Variants in DOCK9 observed in about 807,000 individuals in gnomAD.
DOCK9 encodes the protein dedicator of cytokinesis 9.
DOCK9 carries 89 observed loss-of-function variants against 263.3 expected under a neutral mutation model. The observed-to-expected ratio is 0.34, with a 90% CI of 0.28 to 0.40. The LOEUF is 0.40. DOCK9 is among the 10% of genes least tolerant of loss of function. The pLI is 1.00. For synonymous variants in DOCK9, 976 were observed against 973.1 expected, an observed-to-expected ratio of 1.00 and a Z score of -0.06; for missense variants, 2,140 against 2,603.4, an observed-to-expected ratio of 0.82 and a Z score of 3.87.
chr13:98,895,994 C>T (rs897336925), intron 15 of DOCK9, among the ~76,000 whole-genome samples: 1 of 152,160 alleles, frequency 6.6e-6, no homozygotes, highest in East Asian at 1.9e-4. Context: ...CCCAGCAGGC[C>T]TCATCCTTCA....
At chr13:99,087,933 T>C (rs1566416167), upstream of DOCK9, 1 of 152,348 alleles carries the variant, frequency 6.6e-6, no homozygotes, top group Non-Finnish European at 1.5e-5. Context: ...AGAGGTTTCA[T>C]AGCCGCCATC....
chr13:98,855,639 G>C (rs145647338), intron 34 of DOCK9, among the ~76,000 whole-genome samples: 1 of 151,992 alleles, frequency 6.6e-6, no homozygotes, highest in Admixed American at 6.6e-5. Context: ...GTCCCTCCCC[G>C]TTCAACCCAC....
At chr13:98,915,648 C>T (rs925299934) in intron 7 of DOCK9, 145 bp from the exon 8 acceptor site, 2 of 671,290 alleles carry the variant, frequency 3.0e-6, no homozygotes, top group Non-Finnish European at 4.7e-6. Flanking sequence ...TCATGAAAGC[C>T]CCCCCCCATG....
chr13:98,917,811 A>G (rs928131993), intron 7 of DOCK9, among the ~76,000 whole-genome samples: 4 of 152,056 alleles, frequency 2.6e-5, no homozygotes, highest in African/African-American at 9.7e-5. Context: ...CAAATTCTGT[A>G]TTTCTTGCTT....
At chr13:98,967,017 T>A (rs2059275282) in intron 1 of DOCK9, among the ~76,000 whole-genome samples, 1 of 152,252 alleles carries the variant, frequency 6.6e-6, no homozygotes, top group Non-Finnish European at 1.5e-5. Flanking sequence ...TTCAGACGAT[T>A]CTGGTGCCCA....
chr13:98,957,596 A>C (rs1161919810), intron 1 of DOCK9, among the ~76,000 whole-genome samples: 1 of 152,048 alleles, frequency 6.6e-6, no homozygotes, highest in Non-Finnish European at 1.5e-5. Flanking sequence ...TTTTTAAATA[A>C]GAATTGCCCA....
chr13:98,871,384 C>T (rs1370708475), intron 27 of DOCK9, among the ~76,000 whole-genome samples: 2 of 152,174 alleles, frequency 1.3e-5, no homozygotes, highest in Admixed American at 6.5e-5. Flanking sequence ...AATTTACATA[C>T]CAACCCATCA....
At chr13:99,001,163 T>C (rs917249519) in intron 1 of DOCK9, among the ~76,000 whole-genome samples, 11 of 152,238 alleles carry the variant, frequency 7.2e-5, no homozygotes, top group Non-Finnish European at 1.6e-4. Context: ...CCGAACTCAC[T>C]TCGCAAGTAG....
At chr13:98,885,911 C>G in intron 19 of DOCK9, 80 bp from the exon 20 acceptor site, 2 of 1,365,052 alleles carry the variant, frequency 1.5e-6, no homozygotes, top group Non-Finnish European at 2.0e-6. Context: ...GTATGTGTTA[C>G]CCAACGCATA....
At chr13:98,856,924 A>G (rs962597686) in intron 33 of DOCK9, 1 of 152,164 alleles carries the variant, frequency 6.6e-6, no homozygotes, top group Non-Finnish European at 1.5e-5. Context: ...ATAAACAACT[A>G]TGAGCAGAAA....
At chr13:98,985,490 C>G (rs1325713623) in intron 1 of DOCK9, among the ~76,000 whole-genome samples, 2 of 152,172 alleles carry the variant, frequency 1.3e-5, no homozygotes, top group Non-Finnish European at 2.9e-5. Flanking sequence ...ACTACAGGTG[C>G]TGAGAAAATA....
chr13:99,030,848 C>A (rs1020876057), intron 1 of DOCK9, among the ~76,000 whole-genome samples: 1 of 152,188 alleles, frequency 6.6e-6, no homozygotes, highest in Non-Finnish European at 1.5e-5. Context: ...CAGAACCACT[C>A]CCCACACTAA....
In DOCK9 at chr13:99,014,744, G is replaced by A. The variant is rs1171737845; in HGVS notation, c.130-59193C>T. 6.6e-5 allele frequency among the ~76,000 whole-genome samples: 10 copies of A among 152,314 alleles called. No individual in the cohort carries two copies. The East Asian group carries it at 1.7e-3, about 26-fold the overall frequency. On this transcript the variant is annotated intron_variant, in intron 1 of 32. Transcript: ENST00000427887. ...AAAAATGGCAAGGCATCCTGAGAGAGGAGGAGACCCATATGTGGCTCCTCA... is the reference window on the plus strand; with the variant it reads ...AAAAATGGCAAGGCATCCTGAGAGAAGAGGAGACCCATATGTGGCTCCTCA...
intron 1 of DOCK9, among the ~76,000 whole-genome samples, chr13:99,023,269 G>A (rs1886329103): frequency 6.6e-6 from 1 of 151,834 alleles, no homozygotes; most frequent in African/African-American, 2.4e-5. Context: ...GCAAAATGTG[G>A]TATCTACACA....
chr13:98,850,084 A>G lies in DOCK9; in HGVS notation c.3976T>C (p.Ser1326Pro). The G allele has an allele frequency of 6.4e-7, 1 of 1,559,912 alleles. No individual in the cohort carries two copies. Among genetic ancestry groups the G allele is most frequent in the Non-Finnish European group, 8.6e-7 (1 of 1,156,342 alleles). Residue 1326 changes from serine to proline, a missense_variant, in exon 36 of 53, where the codon TCA (serine) becomes CCA (proline). This residue lies in a region of DOCK9 where 1,521 missense variants were observed against 1,741.7 expected (regional missense o/e 0.87). Coordinates refer to ENST00000682017, the MANE Select transcript of DOCK9 (RefSeq NM_001366683.2). Reference sequence around the variant, plus strand: ...AAAAAATCCATAAGTTCAGATGTTGAAGCCTTGTTCCAATATGTAAACAAA... The same window carrying G: ...AAAAAATCCATAAGTTCAGATGTTGGAGCCTTGTTCCAATATGTAAACAAA... ...DALFTYWNKA[S>P]TSELMDFFTI...
intron 3 of DOCK9, among the ~76,000 whole-genome samples, chr13:98,929,331 T>C (rs2053551359): frequency 6.6e-6 from 1 of 152,104 alleles, no homozygotes; most frequent in African/African-American, 2.4e-5. Context: ...TCACTTGAGG[T>C]CAGGAGTCTG....
intron 50 of DOCK9, 117 bp from the exon 51 acceptor site, chr13:98,797,606 G>C: frequency 2.4e-6 from 2 of 823,044 alleles, no homozygotes; most frequent in Admixed American, 5.1e-5. Flanking sequence ...CACAATCCCT[G>C]CCTTCCAGGA....
upstream of DOCK9, among the ~76,000 whole-genome samples, chr13:98,979,229 T>TAGTAGCAGCAGCAGCAGC (rs1555439294): frequency 8.4e-4 from 105 of 125,062 alleles, no homozygotes; most frequent in Middle Eastern, 4.2e-3. Flanking sequence ...GTAGTAGTAG[T>TAGTAGCAGCAGCAGCAGC]AGCAGCAGCG....
intron 2 of DOCK9, among the ~76,000 whole-genome samples, chr13:98,953,676 T>C (rs2057700960): frequency 6.6e-6 from 1 of 152,238 alleles, no homozygotes; most frequent in Non-Finnish European, 1.5e-5. Context: ...CAACATGCAG[T>C]ACAATTTATA....
Sources: allele counts gnomAD v4.1 joint callset (sites outside exome capture counted in the v4.1 genomes callset), GRCh38; gene constraint gnomAD v4.1.1; regional missense constraint gnomAD v4.1.1; transcripts MANE v1.5; gene names NCBI Gene and HGNC (gene_info 2026-07-23, HGNC 2026-07-21).